The following ADGRA3 variants were observed in gnomAD, a reference collection of about 807,000 sequenced individuals.
ADGRA3 encodes the protein G-protein coupled receptor 125.
A neutral mutation model predicts 119.8 loss-of-function variants in ADGRA3; 56 were observed. The observed-to-expected ratio is 0.47, with a 90% CI of 0.38 to 0.58. The LOEUF is 0.58. Among genes scored for constraint, ADGRA3 ranks in the 20% least tolerant of loss-of-function variants. The pLI is 0.00. For synonymous variants in ADGRA3, 607 were observed against 623.8 expected (o/e 0.97, Z 0.40); for missense variants, 1,516 against 1,649.0 (o/e 0.92, Z 1.40).
chr4:22,513,965 T>C (rs1719550575), intron 1 of ADGRA3, among the ~76,000 whole-genome samples: 1 of 149,516 alleles, frequency 6.7e-6, no homozygotes, highest in African/African-American at 2.5e-5. Context: ...ATGCTGAAAA[T>C]CAATTTACCA....
chr4:22,435,936 C>G (rs1716374546), intron 9 of ADGRA3, among the ~76,000 whole-genome samples: 1 of 152,068 alleles, frequency 6.6e-6, no homozygotes, highest in African/African-American at 2.4e-5. Context: ...CTAACACGGA[C>G]TTAGCACCTA....
At chr4:22,497,147 C>A (rs1465102514) in intron 1 of ADGRA3, among the ~76,000 whole-genome samples, 1 of 152,114 alleles carries the variant, frequency 6.6e-6, no homozygotes, top group African/African-American at 2.4e-5. Context: ...AGGGAATCAG[C>A]CAGAACACTG....
At chr4:22,481,598 T>A (rs1171305301) in intron 1 of ADGRA3, among the ~76,000 whole-genome samples, 1 of 152,246 alleles carries the variant, frequency 6.6e-6, no homozygotes, top group Non-Finnish European at 1.5e-5. Context: ...TTTTTATTTT[T>A]ATTTGTATGT....
At chr4:22,448,693 T>C (rs1040610123) in intron 4 of ADGRA3, among the ~76,000 whole-genome samples, 2 of 152,192 alleles carry the variant, frequency 1.3e-5, no homozygotes, top group Non-Finnish European at 2.9e-5. Context: ...TATCACACAA[T>C]GGCCAACACT....
intron 11 of ADGRA3, among the ~76,000 whole-genome samples, chr4:22,423,613 G>T (rs992419977): frequency 1.3e-5 from 2 of 152,194 alleles, no homozygotes; most frequent in African/African-American, 2.4e-5. Flanking sequence ...GTAATTGAGT[G>T]ATCATTATTT....
chr4:22,420,204 T>A (rs1288847423), intron 12 of ADGRA3: 1 of 152,142 alleles, frequency 6.6e-6, no homozygotes, highest in African/African-American at 2.4e-5. Flanking sequence ...CCGCAGAGAA[T>A]ACAATTACAC....
chr4:22,432,807 C>T (rs989319112), intron 10 of ADGRA3, among the ~76,000 whole-genome samples: 1 of 152,180 alleles, frequency 6.6e-6, no homozygotes, highest in African/African-American at 2.4e-5. Flanking sequence ...AAAGTGCCAG[C>T]TTGTGTTGGC....
In ADGRA3 at chr4:22,438,395, C is replaced by A. The variant is rs144997202; in HGVS notation, c.946G>T (p.Ala316Ser). The stretch of plus-strand genomic sequence containing the variant: ...CAGCCCCAATTTCCAGTAGATCCAG[C>A]CTGAATATTAGAAATGGTTAGGGCA... ...ASALTISNIQ[A>S]GSTGNWGCHV... The change falls in exon 8 of 19, where the codon GCT becomes TCT. Residue 316 changes from alanine to serine, a missense_variant. Ala to Ser is a moderately conservative substitution (Grantham distance 99). Transcript: ENST00000334304. 1.1e-5 allele frequency: 18 copies of A among 1,613,484 alleles called. No individual in the cohort carries two copies. The highest frequency in any genetic ancestry group is 1.5e-5 in the Non-Finnish European group (18 of 1,179,786).
At chr4:22,423,518 C>T (rs1283471901) in intron 11 of ADGRA3, among the ~76,000 whole-genome samples, 1 of 152,160 alleles carries the variant, frequency 6.6e-6, no homozygotes, top group Non-Finnish European at 1.5e-5. Flanking sequence ...TTACTGTATT[C>T]ACCACCTTTT....
chr4:22,442,545 A>G (rs1389821952), intron 7 of ADGRA3, 105 bp downstream of exon 7: 3 of 708,180 alleles, frequency 4.2e-6, no homozygotes, highest in South Asian at 5.0e-5. Flanking sequence ...TTTAAATACA[A>G]GAAGATGAAA....
chr4:22,494,066 G>T (rs80100121), intron 1 of ADGRA3, among the ~76,000 whole-genome samples: 1 of 151,886 alleles, frequency 6.6e-6, no homozygotes, highest in Admixed American at 6.6e-5. Context: ...TTAGCTGGGC[G>T]TGGAGGCGGG....
chr4:22,498,223 G>A (rs1359908946), intron 1 of ADGRA3, among the ~76,000 whole-genome samples: 1 of 148,746 alleles, frequency 6.7e-6, no homozygotes, highest in Non-Finnish European at 1.5e-5. Flanking sequence ...CTACAGCCTG[G>A]GCAACAAAAG....
intron 10 of ADGRA3, among the ~76,000 whole-genome samples, chr4:22,429,474 C>A (rs931506924): frequency 6.6e-6 from 1 of 152,156 alleles, no homozygotes; most frequent in Non-Finnish European, 1.5e-5. Flanking sequence ...TTGACTTCCA[C>A]ACAGGGCCTA....
chr4:22,434,513 T>G (rs1458411595), intron 10 of ADGRA3, among the ~76,000 whole-genome samples: 2 of 152,162 alleles, frequency 1.3e-5, no homozygotes, highest in Non-Finnish European at 2.9e-5. Context: ...TGCCCTAACC[T>G]AAGCGTGGGC....
intron 1 of ADGRA3, among the ~76,000 whole-genome samples, chr4:22,507,006 G>A (rs1719261235): frequency 6.6e-6 from 1 of 152,074 alleles, no homozygotes; most frequent in South Asian, 2.1e-4. Flanking sequence ...GGGAGGTCAA[G>A]GCGGGCGGAT....
At chr4:22,421,122 G>C (rs767395090) in intron 11 of ADGRA3, 33 bp from the exon 12 acceptor site, 1 of 1,560,034 alleles carries the variant, frequency 6.4e-7, no homozygotes, top group Non-Finnish European at 8.8e-7. Flanking sequence ...AGTTATGAAC[G>C]ATTTATAGCA....
intron 12 of ADGRA3, chr4:22,414,327 A>G (rs1001410152): frequency 1.2e-5 from 4 of 340,180 alleles, no homozygotes; most frequent in Non-Finnish European, 1.6e-5. Context: ...CAGTACACTT[A>G]GCAGAAATTT....
intron 16 of ADGRA3, among the ~76,000 whole-genome samples, chr4:22,397,463 A>T: frequency 6.6e-6 from 1 of 152,130 alleles, no homozygotes; most frequent in East Asian, 1.9e-4. Flanking sequence ...TATAATTCTT[A>T]TGCTTGTAGA....
At chr4:22,473,407 A>G (rs1341661665) in intron 2 of ADGRA3, among the ~76,000 whole-genome samples, 1 of 152,226 alleles carries the variant, frequency 6.6e-6, no homozygotes, top group Non-Finnish European at 1.5e-5. Flanking sequence ...AGTATGGTCC[A>G]TGACCTCTGG....
Sources: gnomAD v4.1 joint callset for allele counts (sites outside exome capture counted in the v4.1 genomes callset) on GRCh38, gnomAD v4.1.1 for gene constraint, MANE v1.5 for transcripts, NCBI Gene and HGNC (gene_info 2026-07-23, HGNC 2026-07-21) for gene names.